TEX11: variants seen among roughly 807,000 people sequenced by gnomAD.
TEX11 encodes testis expressed 11.
Under a neutral mutation model 84.4 loss-of-function variants are expected in TEX11, and 7 were observed. The ratio of observed to expected loss-of-function variants is 0.08; its 90% confidence interval spans 0.05 to 0.16. The LOEUF (loss-of-function observed/expected upper bound fraction) is 0.16. Among genes scored for constraint, TEX11 ranks in the 10% least tolerant of loss-of-function variants. The pLI, the probability that TEX11 is intolerant of heterozygous loss-of-function variation, is 1.00. For missense variants in TEX11, 551 were observed against 660.5 expected (o/e 0.83, Z 1.82); for synonymous variants, 264 against 222.8 (o/e 1.18, Z -1.64).
intron 23 of TEX11, among the ~76,000 whole-genome samples, chrX:70,605,977 T>C (rs927069568): frequency 1.8e-5 from 2 of 112,281 alleles, no homozygotes; most frequent in African/African-American, 6.5e-5. Context: ...TAACATTGTA[T>C]AGTTTTAGGA....
chrX:70,889,758 C>T (rs1240812836), intron 2 of TEX11, among the ~76,000 whole-genome samples: 1 of 111,165 alleles, frequency 9.0e-6, no homozygotes, highest in Non-Finnish European at 1.9e-5. Context: ...TTGCAAGACT[C>T]GTGGTAACTA....
intron 27 of TEX11, 102 bp from the exon 28 acceptor site, chrX:70,552,348 A>G: frequency 1.0e-6 from 1 of 997,986 alleles, no homozygotes. Context: ...TAACAGCTTC[A>G]AAACACTTCT....
At chrX:70,887,557 T>A (rs1455771105) in intron 2 of TEX11, among the ~76,000 whole-genome samples, 1 of 111,936 alleles carries the variant, frequency 8.9e-6, no homozygotes, top group East Asian at 2.8e-4. Flanking sequence ...CCACAGTAGA[T>A]TAGTGCACCA....
chrX:70,799,293 T>A (rs1008849124), intron 9 of TEX11, among the ~76,000 whole-genome samples: 7 of 111,425 alleles, frequency 6.3e-5, no homozygotes, highest in African/African-American at 2.0e-4. Flanking sequence ...TTTTTAAGAT[T>A]AGGAAACAAA....
chrX:70,887,862 C>A (rs2091718076), intron 2 of TEX11, among the ~76,000 whole-genome samples: 1 of 111,713 alleles, frequency 9.0e-6, no homozygotes, highest in South Asian at 3.9e-4. Context: ...TGTCACCCCT[C>A]CCCCAGATCC....
At position 70,578,991 on chromosome X, in the gene TEX11, C is replaced by T. The variant is rs989542349; in HGVS notation, c.2140+12760G>A. On this transcript the variant is annotated intron_variant, in intron 25 of 29. Coordinates refer to ENST00000374333, the MANE Select transcript of TEX11 (RefSeq NM_031276.3). ...TTCGCCATGTTGGCCAGACTGGTCTCGAACTCCTGACCTCAGGTGATCCAC... is the reference window on the plus strand; with the variant it reads ...TTCGCCATGTTGGCCAGACTGGTCTTGAACTCCTGACCTCAGGTGATCCAC... Among the ~76,000 whole-genome samples the T allele has an allele frequency of 6.5e-5, 7 of 107,735 alleles. No individual in the cohort carries two copies. The East Asian group carries it at 1.8e-3, about 27-fold the overall frequency. The allele number at this position is 107,735 out of a possible 115,157, so 93.6% of individuals were successfully genotyped here.
chrX:70,807,545 A>C (rs775194251), intron 8 of TEX11, among the ~76,000 whole-genome samples: 27 of 111,603 alleles, frequency 2.4e-4, no homozygotes, highest in Non-Finnish European at 4.7e-4. Flanking sequence ...ATTTATCCAA[A>C]TATCCCCTCA....
At chrX:70,520,048 C>T in the TEX11 span, among the ~76,000 whole-genome samples, 195 of 111,221 alleles carry the variant, frequency 1.8e-3, no homozygotes, top group African/African-American at 2.6e-3. Context: ...AGCTTCCTTG[C>T]AATGGGTTCG....
intron 9 of TEX11, 84 bp from the exon 10 acceptor site, chrX:70,744,303 A>G (rs1213644879): frequency 2.7e-6 from 1 of 375,209 alleles, no homozygotes; most frequent in Admixed American, 7.2e-5. Context: ...AAGATTATAT[A>G]TTACTAAGAA....
intron 9 of TEX11, among the ~76,000 whole-genome samples, chrX:70,760,574 G>A (rs777221338): frequency 3.6e-5 from 4 of 111,731 alleles, no homozygotes; most frequent in South Asian, 7.6e-4. Context: ...AGCTGAAACT[G>A]GATCCCTTCC....
At chrX:70,519,805 T>G in the TEX11 span, among the ~76,000 whole-genome samples, 4 of 111,907 alleles carry the variant, frequency 3.6e-5, no homozygotes, top group Admixed American at 9.5e-5. Context: ...TTGGAGGATT[T>G]GTCTGTTTCT....
intron 28 of TEX11, among the ~76,000 whole-genome samples, chrX:70,550,085 C>T (rs954574302): frequency 2.7e-5 from 3 of 112,499 alleles, no homozygotes; most frequent in African/African-American, 9.7e-5. Flanking sequence ...AGAAATAAAT[C>T]CATACATCTA....
In TEX11 at chrX:70,746,614, C is replaced by T. The variant is rs766300964; in HGVS notation, c.693-2395G>A. Reference sequence around the variant, plus strand: ...AAAGAACAGAAGCAAAGAGGAAGAACTCTGCATCTCTTCCTGAGGGGAATG... The same window carrying T: ...AAAGAACAGAAGCAAAGAGGAAGAATTCTGCATCTCTTCCTGAGGGGAATG... On this transcript the variant is annotated intron_variant, in intron 9 of 29. Transcript: ENST00000374333. 3.3e-3 allele frequency among the ~76,000 whole-genome samples: 375 copies of T among 112,296 alleles called. 2 individuals carry two copies. Among genetic ancestry groups the T allele is most frequent in the Non-Finnish European group, 6.1e-3 (326 of 53,290 alleles).
At chrX:70,881,005 C>CAAAAAAAAAAAAAAAAA (rs11284342) in intron 2 of TEX11, among the ~76,000 whole-genome samples, 5 of 46,227 alleles carry the variant, frequency 1.1e-4, no homozygotes, top group Non-Finnish European at 1.5e-4. Context: ...AGACATCATC[C>CAAAAAAAAAAAAAAAAA]AAAAAAAAAA....
intron 17 of TEX11, among the ~76,000 whole-genome samples, chrX:70,649,275 T>A (rs1213215772): frequency 8.9e-6 from 1 of 112,098 alleles, no homozygotes; most frequent in East Asian, 2.8e-4. Context: ...CGGTTCTAGA[T>A]CCTTGAAGAA....
intron 7 of TEX11, among the ~76,000 whole-genome samples, chrX:70,844,741 G>A (rs1008848424): frequency 7.2e-5 from 8 of 111,122 alleles, no homozygotes; most frequent in Non-Finnish European, 1.3e-4. Context: ...CCAACATGGG[G>A]AAACCCCCAT....
intron 9 of TEX11, among the ~76,000 whole-genome samples, chrX:70,799,967 G>A (rs763564959): frequency 9.1e-4 from 101 of 111,198 alleles, no homozygotes; most frequent in Middle Eastern, 4.7e-3. Flanking sequence ...ACAGCCTGCT[G>A]CTGCAGGTTT....
intron 13 of TEX11, among the ~76,000 whole-genome samples, chrX:70,713,035 T>C (rs1163990715): frequency 8.9e-6 from 1 of 112,002 alleles, no homozygotes; most frequent in Non-Finnish European, 1.9e-5. Context: ...CTTTTCTGCA[T>C]CTATTGAGAT....
At chrX:70,639,859 C>T (rs188130150) in intron 17 of TEX11, among the ~76,000 whole-genome samples, 2 of 111,594 alleles carry the variant, frequency 1.8e-5, no homozygotes, top group African/African-American at 3.2e-5. Context: ...AAAATCAGAG[C>T]GCCTCTCCTC....
Sources: gnomAD v4.1 joint callset for allele counts (sites outside exome capture counted in the v4.1 genomes callset) on GRCh38, gnomAD v4.1.1 for gene constraint, MANE v1.5 for transcripts, NCBI Gene and HGNC (gene_info 2026-07-23, HGNC 2026-07-21) for gene names.